SP140: variants seen among roughly 807,000 people sequenced by gnomAD.
SP140 encodes the protein nuclear body protein SP140.
SP140 carries 81 observed loss-of-function variants against 125.0 expected under a neutral mutation model. The observed-to-expected ratio is 0.65, with a 90% CI of 0.54 to 0.78. The LOEUF is 0.78. Ranked by LOEUF, SP140 falls within the 30% of genes least tolerant of loss-of-function variation. The pLI is 0.00. For synonymous variants in SP140, 312 were observed against 354.0 expected, an observed-to-expected ratio of 0.88 and a Z score of 1.33; for missense variants, 858 against 1,037.0, an observed-to-expected ratio of 0.83 and a Z score of 2.37.
Position 230,238,327 on chromosome 2 carries a change from A to G in SP140, c.352A>G (p.Ile118Val). The change falls in exon 3 of 27, where the codon ATT (isoleucine) becomes GTT (valine). Residue 118 changes from isoleucine (I) to valine (V), a missense_variant. Coordinates refer to ENST00000392045, the MANE Select transcript of SP140 (RefSeq NM_007237.5). ...WSHLEALFSR[I>V]NLMAYPDLNE... ...ACATCTGGAAGCATTGTTCAGCAGG[A>G]TTAACCTGATGGCCTATCCTGATTT... The G allele has an allele frequency of 6.2e-7, 1 of 1,613,992 alleles. No individual in the cohort carries two copies. The highest frequency in any genetic ancestry group is 1.1e-5 in the South Asian group (1 of 91,074).
chr2:230,303,029 A>T lies in SP140; in HGVS notation c.2058+5567A>T, dbSNP rs556678045. On this transcript the variant is annotated intron_variant, in intron 22 of 26. Coordinates refer to ENST00000392045, the MANE Select transcript of SP140 (RefSeq NM_007237.5). Reference sequence around the variant, plus strand: ...GAGAAAGAAGAACAAACCAAACCCAAACCCAGCAGAAGAAAAGAAATAACA... The same window carrying T: ...GAGAAAGAAGAACAAACCAAACCCATACCCAGCAGAAGAAAAGAAATAACA... Among the ~76,000 whole-genome samples the T allele has an allele frequency of 1.7e-4, 26 of 152,288 alleles. No individual in the cohort carries two copies. The South Asian group carries it at 4.1e-3, about 24-fold the overall frequency.
chr2:230,253,202 T>C (rs2050635992), intron 10 of SP140, 114 bp from the exon 11 acceptor site: 4 of 740,306 alleles, frequency 5.4e-6, no homozygotes, highest in East Asian at 2.6e-5. Flanking sequence ...AGAGGAGATG[T>C]AACAAGATGG....
chr2:230,255,587 A>G, intron 12 of SP140, 55 bp downstream of exon 12: 1 of 1,525,042 alleles, frequency 6.6e-7, no homozygotes, highest in South Asian at 1.1e-5. Flanking sequence ...CAGGAGGTTG[A>G]ATTTGGAGCT....
intron 15 of SP140, among the ~76,000 whole-genome samples, chr2:230,277,107 A>G (rs2054822749): frequency 6.6e-6 from 1 of 152,202 alleles, no homozygotes; most frequent in Non-Finnish European, 1.5e-5. Context: ...AAGCAGCAGC[A>G]AGATTTGAGA....
In SP140 at chr2:230,303,239, C is replaced by T. The variant is rs532035115; in HGVS notation, c.2058+5777C>T. On this transcript the variant is annotated intron_variant, in intron 22 of 26. Coordinates refer to ENST00000392045, the MANE Select transcript of SP140 (RefSeq NM_007237.5). ...AAAATGGGAGATATTACAACCAACA[C>T]CACAGAAATACAGAAGATCACTTAA... is the stretch of plus-strand genomic sequence containing the variant. Among the ~76,000 whole-genome samples the T allele has an allele frequency of 6.8e-4, 103 of 152,154 alleles. 1 individual carries two copies. Among genetic ancestry groups the T allele is most frequent in the Admixed American group, 1.3e-3 (20 of 15,284 alleles).
Position 230,310,288 on chromosome 2 carries a change from C to T in SP140, c.2174+249C>T, listed in dbSNP as rs187637443. On this transcript the variant is annotated intron_variant, in intron 23 of 26. Coordinates refer to ENST00000392045, the MANE Select transcript of SP140 (RefSeq NM_007237.5). ...GTGTTGGGGACCTTTGCCTACATAC[C>T]GGCATTGTCCTTTCCTTGAAGTTTT... 1.7e-3 allele frequency: 889 copies of T among 524,320 alleles called. 2 individuals are homozygous for T. Among genetic ancestry groups the T allele is most frequent in the Non-Finnish European group, 2.7e-3 (782 of 292,328 alleles). 32.5% of individuals were successfully genotyped at this position (524,320 alleles called of 1,614,324 possible). A position where few individuals can be genotyped will look rare whatever the true frequency, so the allele number is the denominator to read the frequency against.
rs142369054 is a variant in SP140 at position 230,306,421 on chromosome 2, G to A, written c.2059-3503G>A. On this transcript the variant is annotated intron_variant, in intron 22 of 26. Coordinates refer to ENST00000392045, the MANE Select transcript of SP140 (RefSeq NM_007237.5). Reference sequence around the variant, plus strand: ...GGCTGAGGCCGCCCCACTCTGCAGAGCCAAGGACAAGCAGGAGCCCTGCCT... The same window carrying A: ...GGCTGAGGCCGCCCCACTCTGCAGAACCAAGGACAAGCAGGAGCCCTGCCT... Among the ~76,000 whole-genome samples, 8 of 152,364 alleles carry A rather than the reference G, an allele frequency of 5.3e-5. No individual in the cohort carries two copies. In the East Asian group the frequency reaches 1.5e-3, roughly 29 times the overall value.
At chr2:230,200,980 A>T, upstream of SP140, 2 of 1,585,686 alleles carry the variant, frequency 1.3e-6, no homozygotes, top group African/African-American at 2.7e-5. Context: ...AAAATGAAAG[A>T]TCTTAGTAAA....
chr2:230,239,383 A>C (rs986294111), intron 3 of SP140, among the ~76,000 whole-genome samples: 4 of 152,326 alleles, frequency 2.6e-5, no homozygotes, highest in Middle Eastern at 6.8e-3. Flanking sequence ...ATACAATGTA[A>C]ATGCTATGTA....
chr2:230,281,051 CTA>C (rs1206084894), intron 15 of SP140, among the ~76,000 whole-genome samples: 16 of 152,238 alleles, frequency 1.1e-4, no homozygotes, highest in Non-Finnish European at 5.9e-5. Flanking sequence ...TTCCTGGAAT[CTA>C]TGGTGTGGCT....
chr2:230,211,323 G>A lies in SP140; in HGVS notation c.-322-2331G>A. 1.4e-6 allele frequency: 1 copy of A among 698,954 alleles called. No individual in the cohort carries two copies. Among genetic ancestry groups the A allele is most frequent in the South Asian group, 1.5e-5 (1 of 67,218 alleles). The allele number at this position is 698,954 out of a possible 1,614,324, so 43.3% of individuals were successfully genotyped here. Reference sequence around the variant, plus strand: ...GAGGTCGGGTCTCCTGCCTGTTCAAGCTCCCAAGTGCTGGGTGAACTGGAA... The same window carrying A: ...GAGGTCGGGTCTCCTGCCTGTTCAAACTCCCAAGTGCTGGGTGAACTGGAA... On this transcript the variant is annotated intron_variant, in intron 1 of 4. Coordinates refer to the SP140 transcript ENST00000456542. The surrounding 1 kb of genome is among the most constrained non-coding windows in gnomAD (Gnocchi z 4.2).
At chr2:230,284,279 GC>G in intron 15 of SP140, 66 bp from the exon 16 acceptor site, 1 of 1,423,004 alleles carries the variant, frequency 7.0e-7, no homozygotes, top group Non-Finnish European at 9.6e-7. Flanking sequence ...AATACTATTG[GC>G]ATATAAAACT....
chr2:230,257,386 G>A (rs1002959050), intron 12 of SP140, among the ~76,000 whole-genome samples: 137 of 151,904 alleles, frequency 9.0e-4, no homozygotes, highest in Non-Finnish European at 1.8e-3. Context: ...GTAAGGGAGA[G>A]GAGATGTTAA....
At chr2:230,229,405 G>A (rs2149040878) in intron 1 of SP140, among the ~76,000 whole-genome samples, 1 of 134,504 alleles carries the variant, frequency 7.4e-6, no homozygotes, top group East Asian at 2.4e-4. Context: ...CTTTCTCTAT[G>A]TAAATCTGAG....
At chr2:230,245,967 A>AT (rs1000068617) in intron 7 of SP140, 27 bp downstream of exon 7, 98 of 1,415,522 alleles carry the variant, frequency 6.9e-5, no homozygotes, top group Non-Finnish European at 9.2e-5. Flanking sequence ...TTAAAGCTTT[A>AT]TTTTTCTGTC....
chr2:230,273,888 A>G (rs900699388), intron 15 of SP140, among the ~76,000 whole-genome samples: 5 of 152,324 alleles, frequency 3.3e-5, no homozygotes, highest in Admixed American at 2.6e-4. Flanking sequence ...ATAAGTGGTA[A>G]CGAAATGATG....
chr2:230,301,376 T>C (rs763504820), intron 22 of SP140, among the ~76,000 whole-genome samples: 20 of 152,250 alleles, frequency 1.3e-4, no homozygotes, highest in Admixed American at 3.9e-4. Flanking sequence ...AAAGAATCTA[T>C]GAAGCAAAAA....
chr2:230,188,433 G>A, the SP140 span, among the ~76,000 whole-genome samples: 1 of 152,006 alleles, frequency 6.6e-6, no homozygotes, highest in Non-Finnish European at 1.5e-5. Flanking sequence ...TATAATCAGG[G>A]AACAGTGATA....
chr2:230,289,364 C>T (rs2056853183), intron 18 of SP140, among the ~76,000 whole-genome samples: 1 of 152,118 alleles, frequency 6.6e-6, no homozygotes, highest in Non-Finnish European at 1.5e-5. Flanking sequence ...TGGATATTAG[C>T]CCTTTGTCAG....
Sources: gnomAD v4.1 joint callset for allele counts (sites outside exome capture counted in the v4.1 genomes callset) on GRCh38, gnomAD v4.1.1 for gene constraint, Gnocchi (gnomAD v3.1) non-coding constraint, MANE v1.5 for transcripts, NCBI Gene and HGNC (gene_info 2026-07-23, HGNC 2026-07-21) for gene names.